Variants in SPAG16 observed in about 807,000 individuals in gnomAD.
The protein encoded by SPAG16 is sperm associated antigen 16, also known as sperm-associated antigen 16 protein.
A neutral mutation model predicts 80.4 loss-of-function variants in SPAG16; 86 were observed. That is an observed-to-expected ratio of 1.07 (90% CI 0.90 to 1.28). SPAG16 has a LOEUF of 1.28. SPAG16 is among the 50% of genes most tolerant of loss of function. The pLI is 0.00. For synonymous variants in SPAG16, 294 were observed against 265.9 expected (o/e 1.11, Z -1.03); for missense variants, 870 against 765.3 (o/e 1.14, Z -1.61).
At chr2:213,746,237 C>T (rs1472944197) in intron 10 of SPAG16, among the ~76,000 whole-genome samples, 3 of 152,138 alleles carry the variant, frequency 2.0e-5, no homozygotes, top group African/African-American at 7.2e-5. Flanking sequence ...TATTTAAGTG[C>T]CATCCATCTA....
intron 10 of SPAG16, among the ~76,000 whole-genome samples, chr2:213,646,075 A>G (rs1472579334): frequency 6.6e-6 from 1 of 152,038 alleles, no homozygotes; most frequent in Non-Finnish European, 1.5e-5. Context: ...TGCTCTCCCC[A>G]CTACTCTGCC....
At chr2:213,514,545 C>T (rs1002250603) in intron 10 of SPAG16, among the ~76,000 whole-genome samples, 1 of 151,562 alleles carries the variant, frequency 6.6e-6, no homozygotes, top group Non-Finnish European at 1.5e-5. Context: ...TATACATGTG[C>T]CATGCTGGTG....
chr2:214,172,130 A>T (rs1398868593), intron 15 of SPAG16, among the ~76,000 whole-genome samples: 1 of 151,702 alleles, frequency 6.6e-6, no homozygotes, highest in Non-Finnish European at 1.5e-5. Flanking sequence ...GTTTTAGGTT[A>T]CATGTGCACA....
chr2:214,138,293 A>G (rs1399891551), intron 14 of SPAG16, among the ~76,000 whole-genome samples: 1 of 152,114 alleles, frequency 6.6e-6, no homozygotes, highest in Non-Finnish European at 1.5e-5. Flanking sequence ...GAGAGGTGGA[A>G]AGCTAGTGGA....
chr2:214,014,471 A>G (rs747285557), intron 13 of SPAG16, among the ~76,000 whole-genome samples: 3 of 152,230 alleles, frequency 2.0e-5, no homozygotes, highest in Non-Finnish European at 2.9e-5. Flanking sequence ...CTATCTAAAT[A>G]CAGGGGGAAA....
intron 10 of SPAG16, among the ~76,000 whole-genome samples, chr2:213,700,435 C>T (rs2065355809): frequency 6.6e-6 from 1 of 151,900 alleles, no homozygotes. Context: ...TATTTATATC[C>T]TTTTTTTGCT....
intron 11 of SPAG16, among the ~76,000 whole-genome samples, chr2:213,876,594 T>C (rs1260817486): frequency 3.3e-5 from 5 of 152,162 alleles, no homozygotes; most frequent in Non-Finnish European, 7.4e-5. Context: ...GCATTATAAG[T>C]ATTCTACGAC....
chr2:213,313,649 C>G (rs997087869), intron 4 of SPAG16, among the ~76,000 whole-genome samples: 1 of 151,684 alleles, frequency 6.6e-6, no homozygotes, highest in African/African-American at 2.4e-5. Flanking sequence ...AATAAAGGTG[C>G]CTTTTGGCTT....
chr2:214,342,665 T>A (rs2126033523), intron 15 of SPAG16, among the ~76,000 whole-genome samples: 1 of 152,186 alleles, frequency 6.6e-6, no homozygotes, highest in African/African-American at 2.4e-5. Flanking sequence ...GAGTGCATAA[T>A]AAATGTAATG....
intron 12 of SPAG16, among the ~76,000 whole-genome samples, chr2:214,007,432 C>T (rs1156596494): frequency 7.5e-6 from 1 of 133,392 alleles, no homozygotes; most frequent in Non-Finnish European, 1.6e-5. Context: ...TCTATCTCTA[C>T]AAAAAAAAAA....
At chr2:213,977,343 T>C in intron 12 of SPAG16, among the ~76,000 whole-genome samples, 1 of 152,044 alleles carries the variant, frequency 6.6e-6, no homozygotes, top group Non-Finnish European at 1.5e-5. Flanking sequence ...TCCTGGAGTG[T>C]AGGCACTTAA....
intron 12 of SPAG16, among the ~76,000 whole-genome samples, chr2:213,972,016 C>A (rs2045091367): frequency 6.6e-6 from 1 of 151,510 alleles, no homozygotes; most frequent in Admixed American, 6.6e-5. Context: ...TTGATACAGG[C>A]ATACAATGTA....
At chr2:213,509,882 G>T (rs1295184162) in intron 10 of SPAG16, among the ~76,000 whole-genome samples, 2 of 152,134 alleles carry the variant, frequency 1.3e-5, no homozygotes, top group African/African-American at 2.4e-5. Context: ...CCAGCAGCTG[G>T]TTTTTTGAAA....
At chr2:213,694,222 T>C (rs748483861) in intron 10 of SPAG16, among the ~76,000 whole-genome samples, 27 of 152,272 alleles carry the variant, frequency 1.8e-4, no homozygotes, top group Middle Eastern at 3.4e-3. Context: ...AAATGTATTA[T>C]AAGCATTTAT....
intron 11 of SPAG16, among the ~76,000 whole-genome samples, chr2:213,880,752 T>C (rs2076311610): frequency 6.6e-6 from 1 of 152,224 alleles, no homozygotes; most frequent in Non-Finnish European, 1.5e-5. Flanking sequence ...CCATCGCATA[T>C]TTTTGTCAGC....
intron 10 of SPAG16, among the ~76,000 whole-genome samples, chr2:213,671,919 C>T (rs2063825709): frequency 6.6e-6 from 1 of 152,114 alleles, no homozygotes; most frequent in South Asian, 2.1e-4. Flanking sequence ...GACTAGAGTC[C>T]ATTGGGTTCA....
chr2:214,378,734 C>A (rs183254783), intron 15 of SPAG16, among the ~76,000 whole-genome samples: 6 of 152,276 alleles, frequency 3.9e-5, no homozygotes, highest in Non-Finnish European at 5.9e-5. Flanking sequence ...TGCCATGCAC[C>A]ACAAAGAATG....
intron 15 of SPAG16, among the ~76,000 whole-genome samples, chr2:214,203,167 A>G (rs991598743): frequency 6.6e-6 from 1 of 152,218 alleles, no homozygotes; most frequent in African/African-American, 2.4e-5. Flanking sequence ...AAAGATAATT[A>G]TATCATGATA....
At chr2:214,183,247 A>AT (rs1482100153) in intron 15 of SPAG16, among the ~76,000 whole-genome samples, 2 of 151,974 alleles carry the variant, frequency 1.3e-5, no homozygotes, top group Admixed American at 6.6e-5. Context: ...TTCTGTCCCC[A>AT]TATCATGCCT....
Sources: gnomAD v4.1 joint callset for allele counts (sites outside exome capture counted in the v4.1 genomes callset) on GRCh38, gnomAD v4.1.1 for gene constraint, MANE v1.5 for transcripts, NCBI Gene and HGNC (gene_info 2026-07-23, HGNC 2026-07-21) for gene names.